Variants in HPCAL1 observed in about 807,000 individuals in gnomAD.
HPCAL1 encodes the protein hippocalcin like 1.
HPCAL1 carries 8 observed loss-of-function variants against 17.1 expected under a neutral mutation model. The observed-to-expected ratio is 0.47, with a 90% CI of 0.27 to 0.84. HPCAL1 has a LOEUF of 0.84. HPCAL1 is among the 40% of genes least tolerant of loss of function. The pLI, the probability that HPCAL1 is intolerant of heterozygous loss-of-function variation, is 0.13. For missense variants in HPCAL1, 165 were observed against 271.1 expected (o/e 0.61, Z 2.75); for synonymous variants, 112 against 111.4 (o/e 1.01, Z -0.03).
intron 1 of HPCAL1, among the ~76,000 whole-genome samples, chr2:10,328,706 C>T (rs978911467): frequency 6.6e-6 from 1 of 152,180 alleles, no homozygotes; most frequent in African/African-American, 2.4e-5. Flanking sequence ...ACTCTTCAGC[C>T]TCCATAATAA....
At chr2:10,318,376 G>A (rs1463784673) in intron 1 of HPCAL1, among the ~76,000 whole-genome samples, 2 of 151,606 alleles carry the variant, frequency 1.3e-5, no homozygotes, top group African/African-American at 4.9e-5. Flanking sequence ...GGAGAAAAAG[G>A]CGGCCACTCT....
At position 10,308,435 on chromosome 2, in the gene HPCAL1, G is replaced by A. The variant is rs576870656; in HGVS notation, c.-111+5258G>A. Among the ~76,000 whole-genome samples, 416 of 152,210 alleles carry A rather than the reference G, an allele frequency of 2.7e-3. 1 individual carries two copies. The highest frequency in any genetic ancestry group is 6.8e-3 in the Middle Eastern group (2 of 294). On this transcript the variant is annotated intron_variant, in intron 1 of 4. Transcript: ENST00000307845. Reference sequence around the variant, plus strand: ...ACAAACTCCCTGTCCCCGTCCTCAAGCCGCCAGTCCCCCACAGATTTGCTT... The same window carrying A: ...ACAAACTCCCTGTCCCCGTCCTCAAACCGCCAGTCCCCCACAGATTTGCTT...
At chr2:10,413,823 T>G (rs1251877775) in intron 2 of HPCAL1, among the ~76,000 whole-genome samples, 1 of 152,252 alleles carries the variant, frequency 6.6e-6, no homozygotes, top group Non-Finnish European at 1.5e-5. Context: ...TGATTTGGTT[T>G]TCACTGAGGT....
intron 1 of HPCAL1, among the ~76,000 whole-genome samples, chr2:10,326,562 C>G (rs1175521738): frequency 6.6e-6 from 1 of 152,196 alleles, no homozygotes; most frequent in Non-Finnish European, 1.5e-5. Flanking sequence ...CCCTTGTTCT[C>G]AGCTGTGAAG....
rs892151978 is a variant in HPCAL1 at position 10,365,277 on chromosome 2, T to G, written c.-110-31558T>G. The stretch of plus-strand genomic sequence containing the variant: ...CATTCCAGGACAGCTGGGATCTTGA[T>G]CATCCAGTGGGTGCCCTCACTGTGC... On this transcript the variant is annotated intron_variant, in intron 1 of 4. Transcript: ENST00000307845. The surrounding 1 kb of genome is among the most constrained non-coding windows in gnomAD (Gnocchi z 4.8). Among the ~76,000 whole-genome samples, 2 of 152,214 alleles carry G rather than the reference T, an allele frequency of 1.3e-5. No homozygotes were observed. Among genetic ancestry groups the G allele is most frequent in the Non-Finnish European group, 2.9e-5 (2 of 68,030 alleles).
intron 2 of HPCAL1, among the ~76,000 whole-genome samples, chr2:10,415,943 AG>A (rs1396103006): frequency 6.6e-6 from 1 of 152,172 alleles, no homozygotes. Flanking sequence ...CAGCAACCCG[AG>A]GGCCAGGGCA....
intron 2 of HPCAL1, among the ~76,000 whole-genome samples, chr2:10,404,118 G>C (rs531753648): frequency 1.3e-5 from 2 of 152,184 alleles, no homozygotes; most frequent in African/African-American, 2.4e-5. Flanking sequence ...CAGCCCAGAG[G>C]TTTGTAGCAG....
At chr2:10,404,585 C>T (rs1273805911) in intron 2 of HPCAL1, among the ~76,000 whole-genome samples, 1 of 152,220 alleles carries the variant, frequency 6.6e-6, no homozygotes, top group African/African-American at 2.4e-5. Context: ...CTGAGGCAGC[C>T]CCAGCCTCAC....
chr2:10,418,945 C>T (rs1670856302), intron 2 of HPCAL1, among the ~76,000 whole-genome samples: 1 of 152,178 alleles, frequency 6.6e-6, no homozygotes, highest in Non-Finnish European at 1.5e-5. Flanking sequence ...GACAGTGGCT[C>T]ACACCTGTAA....
Position 10,377,174 on chromosome 2 carries a change from TG to T in HPCAL1, c.-110-19660del, listed in dbSNP as rs1471624074. Among the ~76,000 whole-genome samples the T allele has an allele frequency of 2.6e-5, 4 of 152,314 alleles. No homozygotes were observed. Among genetic ancestry groups the T allele is most frequent in the South Asian group, 4.1e-4 (2 of 4,828 alleles). ...TAATGAACATCCTGCTGTTCAATAG[TG>T]AGGCTGCATCCTTCTAGAAAGCGCT... On this transcript the variant is annotated intron_variant, in intron 1 of 4. Coordinates refer to ENST00000307845, the MANE Select transcript of HPCAL1 (RefSeq NM_002149.4). This position sits in a 1 kb window ranked among gnomAD's most constrained non-coding sequence, Gnocchi z 5.9.
chr2:10,383,354 A>G (rs951708527), intron 1 of HPCAL1, among the ~76,000 whole-genome samples: 1 of 151,586 alleles, frequency 6.6e-6, no homozygotes, highest in Non-Finnish European at 1.5e-5. Flanking sequence ...CCTGGGTGAC[A>G]GAGTGAGACC....
intron 2 of HPCAL1, among the ~76,000 whole-genome samples, chr2:10,414,587 A>T (rs530166825): frequency 2.6e-5 from 4 of 152,212 alleles, no homozygotes; most frequent in Non-Finnish European, 5.9e-5. Flanking sequence ...CTCTTTAAAG[A>T]CTGTGTTTCC....
At chr2:10,371,059 T>C (rs1461167015) in intron 1 of HPCAL1, among the ~76,000 whole-genome samples, 1 of 152,084 alleles carries the variant, frequency 6.6e-6, no homozygotes, top group East Asian at 1.9e-4. Flanking sequence ...TCCAGTGACC[T>C]GGCATGGAGC....
chr2:10,312,978 C>T (rs527467850), intron 1 of HPCAL1, among the ~76,000 whole-genome samples: 19 of 152,262 alleles, frequency 1.2e-4, no homozygotes, highest in African/African-American at 3.6e-4. Flanking sequence ...TGCTTTGGGT[C>T]GTGCTTGACA....
Position 10,304,397 on chromosome 2 carries a change from C to T in HPCAL1, c.-111+1220C>T, listed in dbSNP as rs1194449917. 6.6e-6 allele frequency among the ~76,000 whole-genome samples: 1 copy of T among 151,752 alleles called. No individual in the cohort carries two copies. Among genetic ancestry groups the T allele is most frequent in the African/African-American group, 2.4e-5 (1 of 41,284 alleles). ...GTGTCCCGGCCGCCAAAGGCCACCC[C>T]TTTCCTCCTGGCTGACCCCAATTCC... is the stretch of plus-strand genomic sequence containing the variant. On this transcript the variant is annotated intron_variant, in intron 1 of 4. Coordinates refer to ENST00000307845, the MANE Select transcript of HPCAL1 (RefSeq NM_002149.4). This position sits in a 1 kb window ranked among gnomAD's most constrained non-coding sequence, Gnocchi z 4.1.
At chr2:10,393,423 C>T (rs546976451) in intron 1 of HPCAL1, among the ~76,000 whole-genome samples, 14 of 152,350 alleles carry the variant, frequency 9.2e-5, no homozygotes, top group South Asian at 4.1e-4. Context: ...GCCTCCTCTG[C>T]GGAGTCCAGC....
chr2:10,320,762 A>G (rs905359425), intron 1 of HPCAL1, among the ~76,000 whole-genome samples: 1 of 152,194 alleles, frequency 6.6e-6, no homozygotes, highest in African/African-American at 2.4e-5. Context: ...TCACTCACTC[A>G]TTCATTCACA....
At chr2:10,423,243 G>A (rs759215101) in intron 4 of HPCAL1, 155 bp downstream of exon 4, 12 of 649,408 alleles carry the variant, frequency 1.8e-5, no homozygotes, top group South Asian at 5.3e-5. Context: ...AGGGAAGAGC[G>A]GGATGCAGTC....
At chr2:10,398,319 C>T (rs1237768358) in intron 2 of HPCAL1, among the ~76,000 whole-genome samples, 3 of 152,252 alleles carry the variant, frequency 2.0e-5, no homozygotes, top group African/African-American at 4.8e-5. Context: ...CATACAAAGT[C>T]GCTTTCCAAA....
Sources: gnomAD v4.1 joint callset for allele counts (sites outside exome capture counted in the v4.1 genomes callset) on GRCh38, gnomAD v4.1.1 for gene constraint, Gnocchi (gnomAD v3.1) non-coding constraint, MANE v1.5 for transcripts, NCBI Gene and HGNC (gene_info 2026-07-23, HGNC 2026-07-21) for gene names.